The following RBFOX1 variants were observed in gnomAD, a reference collection of about 807,000 sequenced individuals.
RBFOX1 encodes the protein RNA binding fox-1 homolog 1.
A neutral mutation model predicts 57.7 loss-of-function variants in RBFOX1; 8 were observed. That is an observed-to-expected ratio of 0.14 (90% CI 0.08 to 0.25). The LOEUF is 0.25. Among genes scored for constraint, RBFOX1 ranks in the 10% least tolerant of loss-of-function variants. The pLI is 1.00. For missense variants in RBFOX1, 611 were observed against 548.5 expected (o/e 1.11, Z -1.14); for synonymous variants, 326 against 222.4 (o/e 1.47, Z -4.15).
At chr16:5,537,905 G>A (rs937125713) in intron 2 of RBFOX1, among the ~76,000 whole-genome samples, 2 of 152,060 alleles carry the variant, frequency 1.3e-5, no homozygotes, top group East Asian at 1.9e-4. Context: ...TAAAGCATTG[G>A]GTATCTTTTT....
chr16:6,703,631 T>A (rs768682435), intron 3 of RBFOX1, among the ~76,000 whole-genome samples: 1 of 151,920 alleles, frequency 6.6e-6, no homozygotes, highest in Non-Finnish European at 1.5e-5. Context: ...CACTTGAGCC[T>A]GAGAAGTTGA....
At chr16:7,037,130 C>T (rs979516961) in intron 3 of RBFOX1, among the ~76,000 whole-genome samples, 3 of 151,718 alleles carry the variant, frequency 2.0e-5, no homozygotes, top group Admixed American at 6.6e-5. Flanking sequence ...CAGCAAGGTC[C>T]TTACGACCTG....
chr16:6,218,733 A>G (rs1738751600), intron 1 of RBFOX1, among the ~76,000 whole-genome samples: 1 of 152,136 alleles, frequency 6.6e-6, no homozygotes, highest in Admixed American at 6.5e-5. Flanking sequence ...AAATAATATA[A>G]TCCCTGGGAA....
chr16:6,012,301 G>A (rs776902353), intron 4 of RBFOX1, among the ~76,000 whole-genome samples: 6 of 152,234 alleles, frequency 3.9e-5, no homozygotes, highest in Non-Finnish European at 7.3e-5. Flanking sequence ...CTAGTGCATA[G>A]TAAGGCTAAA....
chr16:6,308,774 T>C (rs2079864388), intron 1 of RBFOX1, among the ~76,000 whole-genome samples: 1 of 152,162 alleles, frequency 6.6e-6, no homozygotes, highest in Admixed American at 6.5e-5. Context: ...GAGATGCAAA[T>C]GCTGTCTGGA....
intron 2 of RBFOX1, among the ~76,000 whole-genome samples, chr16:5,548,172 A>ATAT (rs1442260697): frequency 6.1e-3 from 173 of 28,166 alleles, no homozygotes; most frequent in Non-Finnish European, 7.5e-3. Context: ...AAAAAAAAAA[A>ATAT]AAATATATAT....
chr16:5,955,455 G>T (rs367963182), intron 4 of RBFOX1, among the ~76,000 whole-genome samples: 10 of 151,562 alleles, frequency 6.6e-5, no homozygotes, highest in African/African-American at 1.9e-4. Flanking sequence ...TACCCTTTTG[G>T]ACATTTCTGT....
intron 13 of RBFOX1, among the ~76,000 whole-genome samples, chr16:7,675,286 C>T (rs2072932997): frequency 6.6e-6 from 1 of 152,088 alleles, no homozygotes; most frequent in African/African-American, 2.4e-5. Context: ...TTTTATAACT[C>T]CTCAGCACAT....
In RBFOX1 at chr16:6,707,472, A is replaced by ATTT. The variant is rs1233122392; in HGVS notation, c.-16+52825_-16+52827dup. 2.9e-3 allele frequency among the ~76,000 whole-genome samples: 256 copies of ATTT among 89,652 alleles called. 1 individual carries two copies. Among genetic ancestry groups the ATTT allele is most frequent in the African/African-American group, 8.3e-3 (155 of 18,686 alleles). The allele number at this position is 89,652 out of a possible 152,430, so 58.8% of individuals were successfully genotyped here. A position where few individuals can be genotyped will look rare whatever the true frequency, so the allele number is the denominator to read the frequency against. Reference sequence around the variant, plus strand: ...CTAGTGAATATTTAGATGGCTTCCCATTTTTGTTTTTTTTTTTTTTTTGCT... The same window carrying ATTT: ...CTAGTGAATATTTAGATGGCTTCCCATTTTTTTTGTTTTTTTTTTTTTTTTGCT... On this transcript the variant is annotated intron_variant, in intron 3 of 15. Coordinates refer to ENST00000550418, the MANE Select transcript of RBFOX1 (RefSeq NM_018723.4).
chr16:7,109,008 G>A (rs1225322037), intron 4 of RBFOX1, among the ~76,000 whole-genome samples: 2 of 152,246 alleles, frequency 1.3e-5, no homozygotes, highest in Admixed American at 1.3e-4. Flanking sequence ...TCAATGGGAT[G>A]GAAAAGAGGG....
At chr16:5,737,522 G>C (rs1340421139) in intron 3 of RBFOX1, among the ~76,000 whole-genome samples, 1 of 133,394 alleles carries the variant, frequency 7.5e-6, no homozygotes, top group Non-Finnish European at 1.6e-5. Flanking sequence ...AAAATATTCT[G>C]GATTTTTTTT....
intron 3 of RBFOX1, among the ~76,000 whole-genome samples, chr16:6,984,937 G>A (rs889176548): frequency 2.6e-5 from 4 of 152,042 alleles, no homozygotes; most frequent in Non-Finnish European, 4.4e-5. Flanking sequence ...CATTGCACCC[G>A]GTACCTTCTT....
intron 3 of RBFOX1, among the ~76,000 whole-genome samples, chr16:6,954,355 C>T (rs948940140): frequency 4.6e-5 from 7 of 152,114 alleles, no homozygotes; most frequent in African/African-American, 9.7e-5. Context: ...GTTACAATAA[C>T]GGTCTTCCAT....
intron 1 of RBFOX1, among the ~76,000 whole-genome samples, chr16:6,238,325 C>G (rs943032833): frequency 6.6e-6 from 1 of 152,124 alleles, no homozygotes; most frequent in African/African-American, 2.4e-5. Context: ...CAGGTTTGCC[C>G]TTAATCCAGG....
intron 12 of RBFOX1, among the ~76,000 whole-genome samples, chr16:7,660,608 G>GT (rs577473782): frequency 4.5e-4 from 69 of 152,318 alleles, no homozygotes; most frequent in African/African-American, 1.5e-3. Flanking sequence ...CTGACCTTCA[G>GT]TTTTGTCTCA....
At chr16:6,442,001 C>T (rs2094393197) in intron 2 of RBFOX1, among the ~76,000 whole-genome samples, 2 of 152,166 alleles carry the variant, frequency 1.3e-5, no homozygotes, top group South Asian at 4.1e-4. Flanking sequence ...GAGTCACTTT[C>T]TAAAGATTGC....
At chr16:5,610,009 ACCC>A (rs2047718174) in intron 3 of RBFOX1, among the ~76,000 whole-genome samples, 1 of 152,074 alleles carries the variant, frequency 6.6e-6, no homozygotes, top group Admixed American at 6.6e-5. Context: ...CCTGCTTAGC[ACCC>A]TTCTTCTTTT....
At chr16:5,279,148 C>G (rs75953539) in intron 1 of RBFOX1, among the ~76,000 whole-genome samples, 1 of 152,084 alleles carries the variant, frequency 6.6e-6, no homozygotes, top group African/African-American at 2.4e-5. Flanking sequence ...AGGGATTATA[C>G]TGAATCTCTA....
chr16:5,321,743 G>C (rs916771814), intron 1 of RBFOX1, among the ~76,000 whole-genome samples: 1 of 152,162 alleles, frequency 6.6e-6, no homozygotes, highest in African/African-American at 2.4e-5. Flanking sequence ...GGTGGTTTGA[G>C]TAAATGGAAA....
Sources: gnomAD v4.1 joint callset for allele counts (sites outside exome capture counted in the v4.1 genomes callset) on GRCh38, gnomAD v4.1.1 for gene constraint, MANE v1.5 for transcripts, NCBI Gene and HGNC (gene_info 2026-07-23, HGNC 2026-07-21) for gene names.